The following MX1 variants were observed in gnomAD, a reference collection of about 807,000 sequenced individuals.
MX1 encodes interferon-induced GTP-binding protein Mx1.
In MX1, 66 loss-of-function variants were observed where a neutral mutation model predicts 66.4. The observed-to-expected ratio is 0.99, with a 90% CI of 0.82 to 1.22. MX1 has a LOEUF of 1.22. Ranked by LOEUF, MX1 falls within the 50% of genes most tolerant of loss-of-function variation. The pLI is 0.00. For synonymous variants in MX1, 311 were observed against 318.1 expected (o/e 0.98, Z 0.24); for missense variants, 787 against 834.3 (o/e 0.94, Z 0.70).
At chr21:41,442,508 C>A (rs1314080243) in intron 10 of MX1, among the ~76,000 whole-genome samples, 1 of 152,104 alleles carries the variant, frequency 6.6e-6, no homozygotes, top group Non-Finnish European at 1.5e-5. Context: ...ATCCCTCCTA[C>A]CAAAAGTGAC....
At chr21:41,430,939 G>A (rs2090193308) in intron 4 of MX1, among the ~76,000 whole-genome samples, 1 of 152,166 alleles carries the variant, frequency 6.6e-6, no homozygotes, top group African/African-American at 2.4e-5. Context: ...TAAAGGTTTG[G>A]GTATCAAATT....
chr21:41,431,586 T>A (rs2090213922), intron 4 of MX1: 1 of 157,424 alleles, frequency 6.4e-6, no homozygotes, highest in Non-Finnish European at 1.4e-5. Context: ...AGCAATTCTT[T>A]GCCTCAGCCT....
rs1222402775 is a variant in MX1 at position 41,441,037 on chromosome 21, G to A, written c.730+12G>A. On this transcript the variant is annotated intron_variant, in intron 9 of 16. Transcript: ENST00000398598. The surrounding 1 kb of genome is among the most constrained non-coding windows in gnomAD (Gnocchi z 4.0). ...AGACAGGACCATCGGTGAGAGTGGGGGAGCCCCACTGTGCTCAGTGAGAAT... is the reference window on the plus strand; with the variant it reads ...AGACAGGACCATCGGTGAGAGTGGGAGAGCCCCACTGTGCTCAGTGAGAAT... The A allele has an allele frequency of 6.2e-7, 1 of 1,612,102 alleles. No individual in the cohort carries two copies. The highest frequency in any genetic ancestry group is 8.5e-7 in the Non-Finnish European group (1 of 1,179,344).
At chr21:41,446,879 C>T (rs141488288) in intron 13 of MX1, among the ~76,000 whole-genome samples, 67 of 152,270 alleles carry the variant, frequency 4.4e-4, no homozygotes, top group African/African-American at 1.4e-3. Context: ...AAACCTGATA[C>T]GTTGGCTTAA....
rs2090499380 is a variant in MX1, at chr21:41,441,119, A to ATGGGGGAGCCCGCCTGTGCTCGGTGAGAC, written c.730+122_730+123insCTGGGGGAGCCCGCCTGTGCTCGGTGAGA. On this transcript the variant is annotated intron_variant, in intron 9 of 16. Coordinates refer to ENST00000398598, the MANE Select transcript of MX1 (RefSeq NM_002462.5). This position sits in a 1 kb window ranked among gnomAD's most constrained non-coding sequence, Gnocchi z 4.0. ...GGGAGCCCACCTGTGCTCGGTGAGA[A>ATGGGGGAGCCCGCCTGTGCTCGGTGAGAC]TGGGGGAGCCCGCCTGTGCTCGGTG... The ATGGGGGAGCCCGCCTGTGCTCGGTGAGAC allele has an allele frequency of 9.1e-7, 1 of 1,104,446 alleles. No homozygotes were observed. The allele number at this position is 1,104,446 out of a possible 1,614,324, so 68.4% of individuals were successfully genotyped here.
intron 10 of MX1, chr21:41,443,532 T>TG: frequency 2.0e-6 from 1 of 510,668 alleles, no homozygotes; most frequent in Non-Finnish European, 3.5e-6. Context: ...AAGTCTATAG[T>TG]CAGACACCAT....
At chr21:41,442,859 A>G (rs1017254077) in intron 10 of MX1, 4 of 152,290 alleles carry the variant, frequency 2.6e-5, no homozygotes, top group Non-Finnish European at 5.9e-5. Context: ...CCCAGTCGTA[A>G]GAGGACGGAT....
rs2090518026 is a variant in MX1, at chr21:41,441,699, A to G, written c.731-17A>G. The G allele has an allele frequency of 6.2e-7, 1 of 1,613,938 alleles. No homozygotes were observed. Among genetic ancestry groups the G allele is most frequent in the Non-Finnish European group, 8.5e-7 (1 of 1,179,848 alleles). On this transcript the variant is annotated splice_polypyrimidine_tract_variant and intron_variant, in intron 9 of 16. Transcript: ENST00000398598. The surrounding 1 kb of genome is among the most constrained non-coding windows in gnomAD (Gnocchi z 4.0). Reference sequence around the variant, plus strand: ...GTGACTGAGCACGTTCTCTCCCCAAATACATCTGGCTCGCAGGAATCTTGA... The same window carrying G: ...GTGACTGAGCACGTTCTCTCCCCAAGTACATCTGGCTCGCAGGAATCTTGA...
At chr21:41,430,187 G>T (rs191527897) in intron 3 of MX1, among the ~76,000 whole-genome samples, 17 of 152,156 alleles carry the variant, frequency 1.1e-4, no homozygotes, top group African/African-American at 3.9e-4. Flanking sequence ...ACAGGCAGGG[G>T]TGATGAGTTT....
At position 41,437,104 on chromosome 21, in the gene MX1, G is replaced by A. The variant is rs1298435612; in HGVS notation, c.388G>A (p.Glu130Lys). 1.1e-5 allele frequency: 18 copies of A among 1,614,012 alleles called. No individual in the cohort carries two copies. The highest frequency in any genetic ancestry group is 1.4e-5 in the Non-Finnish European group (17 of 1,179,944). ...AGGCAAGGTCAGTTACCAGGACTAC[G>A]AGATTGAGATTTCGGATGCTTCAGA... ...WRGKVSYQDY[E>K]IEISDASEVE... is the part of the protein sequence containing the mutation. Residue 130 changes from glutamate (E) to lysine (K), a missense_variant, in exon 7 of 17, where the codon GAG becomes AAG. By Grantham distance (56) the Glu-to-Lys change is moderately conservative (BLOSUM62 1). Coordinates refer to ENST00000398598, the MANE Select transcript of MX1 (RefSeq NM_002462.5).
intron 3 of MX1, chr21:41,428,747 A>T (rs1020299464): frequency 1.3e-5 from 2 of 152,232 alleles, no homozygotes; most frequent in African/African-American, 4.8e-5. Context: ...CCCCTTTACT[A>T]TGAGCGAAAG....
At position 41,449,025 on chromosome 21, in the gene MX1, C is replaced by A. The variant is rs185312058; in HGVS notation, c.1274-112C>A. The A allele has an allele frequency of 9.6e-5, 85 of 882,820 alleles. No homozygotes were observed. In the African/African-American group the frequency reaches 1.3e-3, roughly 13 times the overall value. The allele number at this position is 882,820 out of a possible 1,614,324, so 54.7% of individuals were successfully genotyped here. On this transcript the variant is annotated intron_variant, in intron 13 of 16. Transcript: ENST00000398598. ...TTACCAGTTAGATTTGATTTGATACCACTTTTTCTTGCCATTTATATTTTC... is the reference window on the plus strand; with the variant it reads ...TTACCAGTTAGATTTGATTTGATACAACTTTTTCTTGCCATTTATATTTTC...
intron 11 of MX1, among the ~76,000 whole-genome samples, chr21:41,444,760 A>G (rs1020506726): frequency 2.6e-5 from 4 of 152,110 alleles, no homozygotes; most frequent in African/African-American, 9.7e-5. Context: ...AGTCAGGTTC[A>G]TAAGTTCCCG....
At chr21:41,445,026 T>G (rs1002701229) in intron 11 of MX1, among the ~76,000 whole-genome samples, 1 of 152,248 alleles carries the variant, frequency 6.6e-6, no homozygotes, top group African/African-American at 2.4e-5. Flanking sequence ...GATCACTTTT[T>G]ATTGATTGCA....
chr21:41,439,757 G>A lies in MX1; in HGVS notation c.500G>A (p.Ser167Asn). 5 of 1,614,152 alleles carry A rather than the reference G, an allele frequency of 3.1e-6. No homozygotes were observed. The highest frequency in any genetic ancestry group is 3.4e-6 in the Non-Finnish European group (4 of 1,180,012). ...ISHELITLEI[S>N]SRDVPDLTLI... ...CATGAGCTAATCACCCTGGAGATCA[G>A]CTCCCGAGATGTCCCGGATCTGACT... is the stretch of plus-strand genomic sequence containing the variant. Residue 167 changes from serine to asparagine, a missense_variant, in exon 8 of 17, where the codon AGC becomes AAC. By Grantham distance (46) the Ser-to-Asn change is conservative. Coordinates refer to ENST00000398598, the MANE Select transcript of MX1 (RefSeq NM_002462.5).
intron 5 of MX1, among the ~76,000 whole-genome samples, chr21:41,432,578 A>G (rs2090250267): frequency 6.6e-6 from 1 of 152,196 alleles, no homozygotes; most frequent in Non-Finnish European, 1.5e-5. Flanking sequence ...TTTTTTGCCC[A>G]GAATCAAGAC....
chr21:41,442,006 A>AGTGTGTGTGTGT (rs10693544), intron 10 of MX1, 92 bp downstream of exon 10: 34 of 909,788 alleles, frequency 3.7e-5, no homozygotes, highest in African/African-American at 1.8e-4. Flanking sequence ...AGATGTGTGG[A>AGTGTGTGTGTGT]GTGTGTGTGT....
Position 41,458,568 on chromosome 21 carries a change from T to C in MX1, c.1799T>C (p.Ile600Thr). Residue 600 changes from isoleucine (I) to threonine (T), a missense_variant, in exon 17 of 17, where the codon ATC becomes ACC. Ile to Thr is a moderately conservative substitution (Grantham distance 89, BLOSUM62 -1). Coordinates refer to ENST00000398598, the MANE Select transcript of MX1 (RefSeq NM_002462.5). ...KRISSHIPLI[I>T]QFFMLQTYGQ... is the part of the protein sequence containing the mutation. ...ATCTCCAGCCACATCCCTTTGATCA[T>C]CCAGTTCTTCATGCTCCAGACGTAC... The C allele has an allele frequency of 6.2e-7, 1 of 1,611,016 alleles. No individual in the cohort carries two copies. Among genetic ancestry groups the C allele is most frequent in the Non-Finnish European group, 8.5e-7 (1 of 1,178,668 alleles).
At chr21:41,449,428 G>GA (rs2090763314) in intron 14 of MX1, 133 bp downstream of exon 14, 2 of 832,246 alleles carry the variant, frequency 2.4e-6, no homozygotes, top group Non-Finnish European at 3.6e-6. Flanking sequence ...TCATTCTCCA[G>GA]ATGCCAAGTT....
Sources: gnomAD v4.1 joint callset for allele counts (sites outside exome capture counted in the v4.1 genomes callset) on GRCh38, gnomAD v4.1.1 for gene constraint, Gnocchi (gnomAD v3.1) non-coding constraint, MANE v1.5 for transcripts, NCBI Gene and HGNC (gene_info 2026-07-23, HGNC 2026-07-21) for gene names.